WASF1: variants seen among roughly 807,000 people sequenced by gnomAD.
WASF1 encodes actin-binding protein WASF1.
Under a neutral mutation model 50.5 loss-of-function variants are expected in WASF1, and 7 were observed. The ratio of observed to expected loss-of-function variants is 0.14; its 90% CI spans 0.08 to 0.26. WASF1 has a LOEUF of 0.26. Ranked by LOEUF, WASF1 falls within the 10% of genes least tolerant of loss-of-function variation. The probability of loss-of-function intolerance (pLI) is 1.00; values close to 1 mark genes in which losing one functional copy is unlikely to be tolerated. For missense variants in WASF1, 470 were observed against 694.7 expected (o/e 0.68, Z 3.64); for synonymous variants, 205 against 244.0 (o/e 0.84, Z 1.49).
chr6:110,142,251 T>G (rs1452097019), intron 3 of WASF1, among the ~76,000 whole-genome samples: 1 of 152,228 alleles, frequency 6.6e-6, no homozygotes, highest in Non-Finnish European at 1.5e-5. Context: ...ACACACATTT[T>G]GATGAAAGGA....
At chr6:110,160,501 T>G (rs542155328) in intron 3 of WASF1, 134 bp downstream of exon 3, 11 of 151,806 alleles carry the variant, frequency 7.2e-5, no homozygotes, top group Non-Finnish European at 1.6e-4. Context: ...ACTTAATTTT[T>G]AAATGCAGAA....
intron 3 of WASF1, among the ~76,000 whole-genome samples, chr6:110,153,705 A>C (rs1775925709): frequency 6.6e-6 from 1 of 151,924 alleles, no homozygotes; most frequent in Non-Finnish European, 1.5e-5. Flanking sequence ...GAAGTTCGAG[A>C]CCAGCTTGGA....
intron 2 of WASF1, among the ~76,000 whole-genome samples, chr6:110,175,024 C>G (rs956239115): frequency 6.6e-6 from 1 of 152,124 alleles, no homozygotes; most frequent in Non-Finnish European, 1.5e-5. Context: ...TTCACAGATT[C>G]ACTTTCTCAA....
At chr6:110,120,768 G>A (rs1451622385) in intron 4 of WASF1, among the ~76,000 whole-genome samples, 2 of 152,066 alleles carry the variant, frequency 1.3e-5, no homozygotes, top group African/African-American at 2.4e-5. Flanking sequence ...GAGGCATCAC[G>A]CTACATGACT....
intron 3 of WASF1, among the ~76,000 whole-genome samples, chr6:110,150,157 T>C (rs1007205922): frequency 6.6e-6 from 1 of 152,148 alleles, no homozygotes; most frequent in African/African-American, 2.4e-5. Flanking sequence ...CTTCAATAAA[T>C]ATTTACAGAT....
chr6:110,135,874 ATCTT>A (rs1258700542), intron 3 of WASF1, among the ~76,000 whole-genome samples: 3 of 110,850 alleles, frequency 2.7e-5, no homozygotes, highest in Non-Finnish European at 5.7e-5. Context: ...ACAGTCCATT[ATCTT>A]TTTTTTTTTT....
intron 3 of WASF1, among the ~76,000 whole-genome samples, chr6:110,147,024 A>C (rs1274884412): frequency 6.6e-6 from 1 of 152,108 alleles, no homozygotes; most frequent in Admixed American, 6.5e-5. Flanking sequence ...GAACAGTGCT[A>C]TCTTTACCAA....
chr6:110,107,009 A>C, intron 7 of WASF1, 68 bp downstream of exon 7: 1 of 1,085,598 alleles, frequency 9.2e-7, no homozygotes, highest in East Asian at 2.4e-5. Context: ...AGATTAATGA[A>C]GTTCAATATA....
At chr6:110,147,278 G>A (rs1035522350) in intron 3 of WASF1, among the ~76,000 whole-genome samples, 3 of 151,354 alleles carry the variant, frequency 2.0e-5, no homozygotes, top group African/African-American at 4.9e-5. Flanking sequence ...CCCGGGAGGC[G>A]GAGCTTGCAG....
intron 3 of WASF1, among the ~76,000 whole-genome samples, chr6:110,129,170 G>C (rs137918433): frequency 1.8e-4 from 28 of 152,300 alleles, no homozygotes; most frequent in African/African-American, 6.5e-4. Flanking sequence ...TCATCTGTTA[G>C]TCAATTCACC....
intron 2 of WASF1, among the ~76,000 whole-genome samples, chr6:110,174,889 T>C (rs1776859908): frequency 6.6e-6 from 1 of 152,142 alleles, no homozygotes; most frequent in African/African-American, 2.4e-5. Flanking sequence ...TCTCTTTTAT[T>C]CTGTAGTAAT....
chr6:110,119,338 T>C (rs1009946074), intron 4 of WASF1, among the ~76,000 whole-genome samples: 8 of 151,858 alleles, frequency 5.3e-5, no homozygotes, highest in South Asian at 2.1e-4. Context: ...ATAGACACAA[T>C]AAAAAATGAT....
intron 3 of WASF1, among the ~76,000 whole-genome samples, chr6:110,130,864 C>G (rs1459396487): frequency 6.6e-6 from 1 of 152,218 alleles, no homozygotes; most frequent in Non-Finnish European, 1.5e-5. Context: ...TTGACACTGT[C>G]AGTTTTTAAA....
intron 3 of WASF1, among the ~76,000 whole-genome samples, chr6:110,142,449 T>G (rs1775289273): frequency 6.6e-6 from 1 of 152,168 alleles, no homozygotes; most frequent in Admixed American, 6.5e-5. Flanking sequence ...ACCTTATTCC[T>G]TGGTGATTTC....
intron 2 of WASF1, among the ~76,000 whole-genome samples, chr6:110,170,729 A>G (rs1469892379): frequency 6.6e-6 from 1 of 152,192 alleles, no homozygotes; most frequent in African/African-American, 2.4e-5. Context: ...ATGTAGAAAT[A>G]GATTAAAAGT....
intron 8 of WASF1, among the ~76,000 whole-genome samples, chr6:110,104,567 T>C (rs1053444291): frequency 6.6e-6 from 1 of 152,140 alleles, no homozygotes; most frequent in Non-Finnish European, 1.5e-5. Flanking sequence ...GACAGGCAGA[T>C]CACTTGAGGT....
chr6:110,106,177 T>C (rs1037573497), intron 7 of WASF1, among the ~76,000 whole-genome samples: 3 of 152,156 alleles, frequency 2.0e-5, no homozygotes, highest in Non-Finnish European at 4.4e-5. Context: ...GCCAAGCGGA[T>C]AACATACATG....
At chr6:110,163,830 G>A (rs774046676) in intron 2 of WASF1, among the ~76,000 whole-genome samples, 2 of 151,446 alleles carry the variant, frequency 1.3e-5, no homozygotes, top group African/African-American at 2.4e-5. Flanking sequence ...ATAAAGTTAC[G>A]GTAATCAAGA....
intron 3 of WASF1, among the ~76,000 whole-genome samples, chr6:110,134,290 C>A (rs996055032): frequency 6.6e-6 from 1 of 152,064 alleles, no homozygotes. Context: ...TGCCGATTAT[C>A]GCAGCAATAT....
Sources: gnomAD v4.1 joint callset for allele counts (sites outside exome capture counted in the v4.1 genomes callset) on GRCh38, gnomAD v4.1.1 for gene constraint, MANE v1.5 for transcripts, NCBI Gene and HGNC (gene_info 2026-07-23, HGNC 2026-07-21) for gene names.